TRPC5: variants seen among roughly 807,000 people sequenced by gnomAD.
TRPC5 encodes short transient receptor potential channel 5.
In TRPC5, 9 loss-of-function variants were observed where a neutral mutation model predicts 56.5. The ratio of observed to expected loss-of-function variants is 0.16; its 90% CI spans 0.10 to 0.28. The LOEUF is 0.28. Ranked by LOEUF, TRPC5 falls within the 10% of genes least tolerant of loss-of-function variation. TRPC5 has a pLI of 1.00. For missense variants in TRPC5, 469 were observed against 748.9 expected, an observed-to-expected ratio of 0.63 and a Z score of 4.36; for synonymous variants, 282 against 278.5, an observed-to-expected ratio of 1.01 and a Z score of -0.13.
intron 1 of TRPC5, among the ~76,000 whole-genome samples, chrX:112,009,651 T>C (rs1466532319): frequency 9.0e-6 from 1 of 111,682 alleles, no homozygotes; most frequent in East Asian, 2.8e-4. Flanking sequence ...GGAAAACCAT[T>C]TTAGAGCAGA....
At chrX:112,028,938 T>C (rs1396150445) in intron 1 of TRPC5, among the ~76,000 whole-genome samples, 8 of 112,618 alleles carry the variant, frequency 7.1e-5, no homozygotes, top group African/African-American at 2.6e-4. Context: ...CCAGCATCTG[T>C]TGTTTATCTG....
chrX:112,029,760 G>C (rs962136809), intron 1 of TRPC5, among the ~76,000 whole-genome samples: 6 of 111,114 alleles, frequency 5.4e-5, no homozygotes, highest in African/African-American at 2.0e-4. Context: ...CCAAAGTAGA[G>C]GACCCTTAAA....
chrX:111,882,984 G>A (rs183036306), intron 3 of TRPC5, among the ~76,000 whole-genome samples: 1 of 109,984 alleles, frequency 9.1e-6, no homozygotes, highest in African/African-American at 3.3e-5. Flanking sequence ...TACTCAGGAG[G>A]CTGAGGCAGG....
intron 1 of TRPC5, among the ~76,000 whole-genome samples, chrX:111,957,154 G>A (rs957699309): frequency 8.9e-6 from 1 of 112,003 alleles, no homozygotes; most frequent in Non-Finnish European, 1.9e-5. Flanking sequence ...CTCTTAAAGT[G>A]TAATGTTCAG....
chrX:111,887,847 A>G (rs1205472561), intron 3 of TRPC5, among the ~76,000 whole-genome samples: 1 of 112,339 alleles, frequency 8.9e-6, no homozygotes, highest in Non-Finnish European at 1.9e-5. Flanking sequence ...CCCTGCCTTC[A>G]TGGAGCTTAC....
chrX:111,792,238 A>G (rs1353666659), intron 7 of TRPC5, among the ~76,000 whole-genome samples: 1 of 111,178 alleles, frequency 9.0e-6, no homozygotes, highest in African/African-American at 3.3e-5. Context: ...GTTCTCACTC[A>G]TAAGTGGGAG....
chrX:111,925,096 T>C (rs1926223435), intron 2 of TRPC5, among the ~76,000 whole-genome samples: 1 of 112,690 alleles, frequency 8.9e-6, no homozygotes, highest in Non-Finnish European at 1.9e-5. Context: ...AGAAGAAATA[T>C]GGGTTTATGA....
chrX:111,962,995 C>T (rs147171049), intron 1 of TRPC5, among the ~76,000 whole-genome samples: 2,026 of 111,659 alleles, frequency 0.018, 16 homozygotes, highest in Non-Finnish European at 0.026. Flanking sequence ...GTGGGTGCAG[C>T]GTACCATGTG....
chrX:111,840,965 A>G (rs1424365037), intron 6 of TRPC5, among the ~76,000 whole-genome samples: 1 of 112,214 alleles, frequency 8.9e-6, no homozygotes, highest in Non-Finnish European at 1.9e-5. Context: ...GGAGAAACAC[A>G]TAACCAAGAA....
At chrX:111,905,933 AAAGAAAG>A in intron 3 of TRPC5, among the ~76,000 whole-genome samples, 1 of 107,131 alleles carries the variant, frequency 9.3e-6, no homozygotes, top group Non-Finnish European at 1.9e-5. Flanking sequence ...AAAAAAAAAG[AAAGAAAG>A]AAAAATACTG....
At chrX:112,052,249 T>G (rs760459643) in intron 1 of TRPC5, among the ~76,000 whole-genome samples, 1 of 111,055 alleles carries the variant, frequency 9.0e-6, no homozygotes, top group African/African-American at 3.3e-5. Flanking sequence ...CAACAGCACA[T>G]AAGGGATCCA....
chrX:111,887,937 G>A (rs1000785638), intron 3 of TRPC5, among the ~76,000 whole-genome samples: 9 of 111,807 alleles, frequency 8.0e-5, no homozygotes, highest in East Asian at 2.8e-4. Context: ...AAAGTGATAC[G>A]TTTCTAAGAA....
Position 111,966,477 on chromosome X carries a change from G to T in TRPC5, c.-21-14036C>A, listed in dbSNP as rs374713375. Among the ~76,000 whole-genome samples, 524 of 111,341 alleles carry T rather than the reference G, an allele frequency of 4.7e-3. 3 individuals are homozygous for T. The highest frequency in any genetic ancestry group is 6.2e-3 in the Non-Finnish European group (331 of 53,007). Reference sequence around the variant, plus strand: ...AGAGGGAATCCTCCCTAACTCATTTGATGAGGCCAGCATCATCCTGATACC... The same window carrying T: ...AGAGGGAATCCTCCCTAACTCATTTTATGAGGCCAGCATCATCCTGATACC... On this transcript the variant is annotated intron_variant, in intron 1 of 10. Transcript: ENST00000262839.
At chrX:111,981,822 T>A (rs1265104119) in intron 1 of TRPC5, among the ~76,000 whole-genome samples, 1 of 112,102 alleles carries the variant, frequency 8.9e-6, no homozygotes, top group African/African-American at 3.2e-5. Context: ...CAAAGATGGT[T>A]GCTTAATATA....
chrX:111,838,472 C>T (rs1414580432), intron 6 of TRPC5, among the ~76,000 whole-genome samples: 3 of 110,785 alleles, frequency 2.7e-5, no homozygotes, highest in Non-Finnish European at 5.7e-5. Flanking sequence ...GGGTGTACTA[C>T]TTGGTGCTGG....
intron 7 of TRPC5, among the ~76,000 whole-genome samples, chrX:111,823,085 T>C (rs1260551393): frequency 3.6e-5 from 4 of 112,387 alleles, no homozygotes; most frequent in Admixed American, 9.4e-5. Context: ...TCAAAGAATG[T>C]TGCTGCTGTT....
chrX:111,842,132 G>T (rs6642952), intron 6 of TRPC5, among the ~76,000 whole-genome samples: 5 of 77,161 alleles, frequency 6.5e-5, no homozygotes, highest in African/African-American at 5.8e-4. Flanking sequence ...ATATATATAT[G>T]TATATATATA....
At chrX:111,959,563 C>T (rs1468853246) in intron 1 of TRPC5, among the ~76,000 whole-genome samples, 1 of 111,637 alleles carries the variant, frequency 9.0e-6, no homozygotes, top group Non-Finnish European at 1.9e-5. Flanking sequence ...CCAGTAGTTA[C>T]AATTCAAAGG....
In TRPC5 at chrX:111,906,360, AC is replaced by A. The variant is rs202149067; in HGVS notation, c.900+5930del. Among the ~76,000 whole-genome samples the A allele has an allele frequency of 5.6e-3, 615 of 109,277 alleles. 4 individuals are homozygous for A. Among genetic ancestry groups the A allele is most frequent in the Non-Finnish European group, 8.8e-3 (461 of 52,324 alleles). The allele number at this position is 109,277 out of a possible 115,157, so 94.9% of individuals were successfully genotyped here. On this transcript the variant is annotated intron_variant, in intron 3 of 10. Coordinates refer to ENST00000262839, the MANE Select transcript of TRPC5 (RefSeq NM_012471.3). ...ACAAAGCGAAACTCTGTTTAAAAAAACAAAAAACAAAAAAAAGGTGTCATTA... is the reference window on the plus strand; with the variant it reads ...ACAAAGCGAAACTCTGTTTAAAAAAAAAAAAACAAAAAAAAGGTGTCATTA...
Sources: allele counts gnomAD v4.1 joint callset (sites outside exome capture counted in the v4.1 genomes callset), GRCh38; gene constraint gnomAD v4.1.1; transcripts MANE v1.5; gene names NCBI Gene and HGNC (gene_info 2026-07-23, HGNC 2026-07-21).